ADGRL2: variants seen among roughly 807,000 people sequenced by gnomAD.
ADGRL2 encodes the protein adhesion G protein-coupled receptor L2, also known as calcium-independent alpha-latrotoxin receptor 2.
In ADGRL2, 44 loss-of-function variants were observed where a neutral mutation model predicts 157.4. That is an observed-to-expected ratio of 0.28 (90% CI 0.22 to 0.36). ADGRL2 has a LOEUF of 0.36. ADGRL2 is among the 10% of genes least tolerant of loss of function. ADGRL2 has a pLI of 1.00. For synonymous variants in ADGRL2, 585 were observed against 624.7 expected (o/e 0.94, Z 0.95); for missense variants, 1,510 against 1,768.9 (o/e 0.85, Z 2.63).
At chr1:81,332,137 C>T (rs747375289) in intron 1 of ADGRL2, among the ~76,000 whole-genome samples, 1 of 151,884 alleles carries the variant, frequency 6.6e-6, no homozygotes, top group Non-Finnish European at 1.5e-5. Flanking sequence ...CCAGATGAAA[C>T]GAGAAGAAAA....
intron 2 of ADGRL2, among the ~76,000 whole-genome samples, chr1:81,777,839 C>G (rs2086647732): frequency 1.3e-5 from 2 of 152,146 alleles, no homozygotes; most frequent in African/African-American, 4.8e-5. Flanking sequence ...GCTCATGTAA[C>G]CTATGACCTA....
chr1:81,824,761 A>G (rs533097401), intron 1 of ADGRL2, among the ~76,000 whole-genome samples: 4 of 152,310 alleles, frequency 2.6e-5, no homozygotes, highest in African/African-American at 9.6e-5. Context: ...TATCAAGTTT[A>G]TTCTGAAGTT....
intron 2 of ADGRL2, among the ~76,000 whole-genome samples, chr1:81,876,816 T>C (rs2093852968): frequency 6.6e-6 from 1 of 152,182 alleles, no homozygotes; most frequent in African/African-American, 2.4e-5. Context: ...TTATTGTTAT[T>C]CCCTACCTTT....
At chr1:81,346,179 A>G (rs374134923) in intron 1 of ADGRL2, among the ~76,000 whole-genome samples, 34 of 152,272 alleles carry the variant, frequency 2.2e-4, no homozygotes, top group African/African-American at 7.9e-4. Context: ...GGAGACACTC[A>G]CATGAGAATA....
intron 1 of ADGRL2, among the ~76,000 whole-genome samples, chr1:81,702,563 G>A (rs545629847): frequency 2.6e-5 from 4 of 152,284 alleles, no homozygotes; most frequent in African/African-American, 9.6e-5. Flanking sequence ...GAACAACTAT[G>A]AATTGCAAGT....
At chr1:81,781,717 A>G (rs189592493) in intron 2 of ADGRL2, among the ~76,000 whole-genome samples, 49 of 152,340 alleles carry the variant, frequency 3.2e-4, no homozygotes, top group Admixed American at 1.0e-3. Flanking sequence ...AAGCAGGTGC[A>G]TGCAGATAAA....
intron 2 of ADGRL2, among the ~76,000 whole-genome samples, chr1:81,892,598 G>A (rs551308875): frequency 6.6e-6 from 1 of 152,246 alleles, no homozygotes; most frequent in East Asian, 1.9e-4. Flanking sequence ...GTCCAAACCA[G>A]TTGGAATAGT....
chr1:81,709,417 A>T (rs2083850497), intron 1 of ADGRL2, among the ~76,000 whole-genome samples: 2 of 152,186 alleles, frequency 1.3e-5, no homozygotes, highest in Admixed American at 1.3e-4. Flanking sequence ...AAAAAAATGT[A>T]CCATGGATTC....
intron 2 of ADGRL2, among the ~76,000 whole-genome samples, chr1:81,882,348 C>G (rs2094009672): frequency 6.6e-6 from 1 of 152,118 alleles, no homozygotes; most frequent in Admixed American, 6.6e-5. Context: ...TAGTTAGGAT[C>G]TTTTGGTATT....
intron 2 of ADGRL2, among the ~76,000 whole-genome samples, chr1:81,789,718 A>G (rs933713585): frequency 5.9e-5 from 9 of 151,808 alleles, no homozygotes; most frequent in Admixed American, 1.3e-4. Flanking sequence ...AAAAAAAAAA[A>G]AAAGAAATGT....
chr1:81,748,201 G>A (rs545062933), intron 1 of ADGRL2, among the ~76,000 whole-genome samples: 11 of 151,916 alleles, frequency 7.2e-5, no homozygotes, highest in Non-Finnish European at 1.3e-4. Flanking sequence ...AGAAGAGACC[G>A]GGTGCGGTGG....
intron 2 of ADGRL2, among the ~76,000 whole-genome samples, chr1:81,897,841 A>C (rs187415268): frequency 3.3e-5 from 5 of 152,302 alleles, no homozygotes; most frequent in African/African-American, 1.2e-4. Flanking sequence ...TTTGTATTTA[A>C]GTTGATTTTA....
chr1:81,748,603 T>C (rs546997479), intron 1 of ADGRL2, among the ~76,000 whole-genome samples: 1 of 152,100 alleles, frequency 6.6e-6, no homozygotes, highest in African/African-American at 2.4e-5. Flanking sequence ...ATCTGAAAAG[T>C]GGTTAATGAA....
intron 1 of ADGRL2, among the ~76,000 whole-genome samples, chr1:81,401,448 A>G (rs1467747773): frequency 6.6e-6 from 1 of 151,986 alleles, no homozygotes; most frequent in African/African-American, 2.4e-5. Flanking sequence ...GGTGGAGGCC[A>G]GGTACTTCCT....
chr1:81,713,048 A>G (rs1181290334), intron 1 of ADGRL2, among the ~76,000 whole-genome samples: 2 of 152,032 alleles, frequency 1.3e-5, no homozygotes, highest in Non-Finnish European at 2.9e-5. Context: ...GTGAGCCACC[A>G]TGCCCGGCTT....
rs201315468 is a variant in ADGRL2, at chr1:81,911,316, T to TG, written c.287+4094dup. ...TTTAGTACTCTTTAAAGATAATTGT[T>TG]GGGGGGGGCAACTTAAAAATATATA... On this transcript the variant is annotated intron_variant, in intron 3 of 23. Transcript: ENST00000686636. 9.7e-3 allele frequency among the ~76,000 whole-genome samples: 1,469 copies of TG among 151,600 alleles called. 24 individuals carry two copies. Among genetic ancestry groups the TG allele is most frequent in the African/African-American group, 0.03 (1,220 of 41,292 alleles).
chr1:81,840,320 A>G (rs1173907241), intron 2 of ADGRL2, among the ~76,000 whole-genome samples: 1 of 152,090 alleles, frequency 6.6e-6, no homozygotes, highest in Non-Finnish European at 1.5e-5. Context: ...TAGAATAGCC[A>G]TGGGTTATGC....
chr1:81,809,743 C>T (rs12730336), intron 1 of ADGRL2, among the ~76,000 whole-genome samples: 36,715 of 151,780 alleles, frequency 0.24, 4,824 homozygotes, highest in South Asian at 0.38. Flanking sequence ...GTCTGTTTCT[C>T]TGTATATATC....
intron 2 of ADGRL2, among the ~76,000 whole-genome samples, chr1:81,782,069 A>G (rs2086836141): frequency 6.6e-6 from 1 of 152,182 alleles, no homozygotes; most frequent in Non-Finnish European, 1.5e-5. Flanking sequence ...AAAGCAGGGT[A>G]ACACTAAAAT....
Sources: allele counts gnomAD v4.1 joint callset (sites outside exome capture counted in the v4.1 genomes callset), GRCh38; gene constraint gnomAD v4.1.1; transcripts MANE v1.5; gene names NCBI Gene and HGNC (gene_info 2026-07-23, HGNC 2026-07-21).